DNAH6: variants seen among roughly 807,000 people sequenced by gnomAD.
DNAH6 encodes axonemal beta dynein heavy chain 6.
DNAH6 carries 340 observed loss-of-function variants against 491.4 expected under a neutral mutation model. That is an observed-to-expected ratio of 0.69 (90% CI 0.63 to 0.76). DNAH6 has a LOEUF of 0.76. Ranked by LOEUF, DNAH6 falls within the 30% of genes least tolerant of loss-of-function variation. The probability of loss-of-function intolerance (pLI) is 0.00; values close to 1 mark genes in which losing one functional copy is unlikely to be tolerated. For synonymous variants in DNAH6, 1,603 were observed against 1,686.1 expected (o/e 0.95, Z 1.21); for missense variants, 4,443 against 4,972.2 (o/e 0.89, Z 3.20).
intron 37 of DNAH6, among the ~76,000 whole-genome samples, chr2:84,667,128 C>A (rs1692210685): frequency 6.6e-6 from 1 of 152,060 alleles, no homozygotes; most frequent in Non-Finnish European, 1.5e-5. Context: ...AATGTTAGAC[C>A]TAAAACCATA....
At chr2:84,736,741 T>G (rs1699568244) in intron 62 of DNAH6, among the ~76,000 whole-genome samples, 1 of 152,094 alleles carries the variant, frequency 6.6e-6, no homozygotes, top group Non-Finnish European at 1.5e-5. Context: ...AGTCAAATCC[T>G]TAGGATTCTC....
chr2:84,469,820 T>C, the DNAH6 span, among the ~76,000 whole-genome samples: 1 of 152,188 alleles, frequency 6.6e-6, no homozygotes, highest in East Asian at 1.9e-4. This position sits in a 1 kb window ranked among gnomAD's most constrained non-coding sequence, Gnocchi z 4.0. Flanking sequence ...GAGAATAGCA[T>C]TTAACATCCT....
chr2:84,762,300 G>C (rs1335918855), intron 63 of DNAH6, among the ~76,000 whole-genome samples: 3 of 152,198 alleles, frequency 2.0e-5, no homozygotes, highest in Non-Finnish European at 2.9e-5. Flanking sequence ...TGGAAAAGTA[G>C]CTGCCATCAA....
chr2:84,644,174 G>A (rs1158392372), intron 33 of DNAH6, among the ~76,000 whole-genome samples: 2 of 152,130 alleles, frequency 1.3e-5, no homozygotes, highest in East Asian at 3.9e-4. Context: ...GTACAGGGTG[G>A]CTACAGTGGC....
At position 84,712,299 on chromosome 2, in the gene DNAH6, T is replaced by C. The variant is rs148969561; in HGVS notation, c.9379-796T>C. ...CTTTTGTTTGAAGAATTTACATGTG[T>C]GGGTACCATGTCACAATGTGGAACA... On this transcript the variant is annotated intron_variant, in intron 56 of 76. Transcript: ENST00000389394. Among the ~76,000 whole-genome samples, 53 of 152,380 alleles carry C rather than the reference T, an allele frequency of 3.5e-4. No homozygotes were observed. The East Asian group carries it at 9.2e-3, about 27-fold the overall frequency.
intron 56 of DNAH6, 43 bp from the exon 57 acceptor site, chr2:84,713,052 A>G (rs1304294536): frequency 1.3e-6 from 2 of 1,507,934 alleles, no homozygotes; most frequent in Non-Finnish European, 1.8e-6. Flanking sequence ...ATCCATTTTA[A>G]TTGCTTCTTT....
At chr2:84,523,624 C>T (rs1295053554) in intron 2 of DNAH6, among the ~76,000 whole-genome samples, 1 of 151,980 alleles carries the variant, frequency 6.6e-6, no homozygotes, top group Non-Finnish European at 1.5e-5. Context: ...ACTGCCTTAA[C>T]TGTGTCCCAG....
chr2:84,546,767 G>T (rs1230096329), intron 5 of DNAH6, among the ~76,000 whole-genome samples: 1 of 152,124 alleles, frequency 6.6e-6, no homozygotes, highest in African/African-American at 2.4e-5. Flanking sequence ...CCTAGGAGTG[G>T]AATTGCTGGG....
chr2:84,662,036 T>G (rs973218903), intron 37 of DNAH6, among the ~76,000 whole-genome samples: 1 of 152,142 alleles, frequency 6.6e-6, no homozygotes, highest in African/African-American at 2.4e-5. Context: ...GTTATATTGA[T>G]ATTTACATAT....
chr2:84,807,413 G>A (rs1679522880), intron 71 of DNAH6, among the ~76,000 whole-genome samples: 1 of 152,162 alleles, frequency 6.6e-6, no homozygotes, highest in African/African-American at 2.4e-5. Flanking sequence ...TGCATTTGGT[G>A]GATTGTAGGG....
rs1383167648 is a variant in DNAH6 at position 84,688,495 on chromosome 2, T to C, written c.7194T>C (p.Thr2398=). The C allele has an allele frequency of 2.6e-6, 4 of 1,540,900 alleles. No individual in the cohort carries two copies. The highest frequency in any genetic ancestry group is 2.6e-6 in the Non-Finnish European group (3 of 1,144,866). Residue 2398 remains threonine, a synonymous_variant, in exon 45 of 77, where the codon ACT becomes ACC. Coordinates refer to ENST00000389394, the MANE Select transcript of DNAH6 (RefSeq NM_001370.2). The stretch of plus-strand genomic sequence containing the variant: ...ATGACATGCCTGATATAGAGAAAAC[T>C]GCAAATGTTCTACAGGACTATCTTG... ...IYDDMPDIEK[T]ANVLQDYLDD... is the part of the protein sequence containing the mutation.
intron 21 of DNAH6, among the ~76,000 whole-genome samples, chr2:84,610,081 G>A (rs1399617822): frequency 6.6e-6 from 1 of 152,086 alleles, no homozygotes; most frequent in Non-Finnish European, 1.5e-5. Flanking sequence ...TTTAGCTGGG[G>A]AATGATCCAC....
intron 18 of DNAH6, among the ~76,000 whole-genome samples, chr2:84,601,906 T>C (rs536633236): frequency 8.7e-4 from 133 of 152,098 alleles, no homozygotes; most frequent in Non-Finnish European, 1.6e-3. Context: ...TTTAGAAAAT[T>C]GTTTAAAATT....
At chr2:84,536,305 C>A (rs1449447376) in intron 4 of DNAH6, among the ~76,000 whole-genome samples, 1 of 152,018 alleles carries the variant, frequency 6.6e-6, no homozygotes, top group African/African-American at 2.4e-5. Context: ...ACTTAATTGA[C>A]ATTTGACCAC....
intron 66 of DNAH6, 115 bp from the exon 67 acceptor site, chr2:84,785,495 C>G (rs1677091016): frequency 2.8e-6 from 3 of 1,075,682 alleles, no homozygotes; most frequent in Admixed American, 3.4e-5. Context: ...CCCACCTCCC[C>G]ATGAACATCA....
At chr2:84,758,801 A>T (rs1159349936) in intron 63 of DNAH6, among the ~76,000 whole-genome samples, 1 of 152,180 alleles carries the variant, frequency 6.6e-6, no homozygotes, top group African/African-American at 2.4e-5. Context: ...TCAAAATAAC[A>T]AAGCCCATGT....
intron 11 of DNAH6, among the ~76,000 whole-genome samples, chr2:84,563,904 T>C (rs1680914534): frequency 1.3e-5 from 2 of 152,236 alleles, no homozygotes; most frequent in Non-Finnish European, 1.5e-5. Context: ...AGTTTCTTTC[T>C]TCTGCATATG....
At chr2:84,525,766 C>T (rs1317082570) in intron 3 of DNAH6, 28 bp downstream of exon 3, 34 of 1,483,502 alleles carry the variant, frequency 2.3e-5, no homozygotes, top group Non-Finnish European at 2.8e-5. Flanking sequence ...TTAATTGATT[C>T]TTTTAACTTA....
At chr2:84,528,398 C>T (rs954181668) in intron 3 of DNAH6, among the ~76,000 whole-genome samples, 3 of 152,164 alleles carry the variant, frequency 2.0e-5, no homozygotes, top group Non-Finnish European at 2.9e-5. Context: ...CTAAGGCTAT[C>T]GCATAGTGAT....
Sources: gnomAD v4.1 joint callset for allele counts (sites outside exome capture counted in the v4.1 genomes callset) on GRCh38, gnomAD v4.1.1 for gene constraint, Gnocchi (gnomAD v3.1) non-coding constraint, MANE v1.5 for transcripts, NCBI Gene and HGNC (gene_info 2026-07-23, HGNC 2026-07-21) for gene names.